OVCH1: variants seen among roughly 807,000 people sequenced by gnomAD.
The protein encoded by OVCH1 is ovochymase-1.
OVCH1 carries 139 observed loss-of-function variants against 138.4 expected under a neutral mutation model. The ratio of observed to expected loss-of-function variants is 1.00; its 90% confidence interval spans 0.87 to 1.16. OVCH1 has a LOEUF of 1.16. OVCH1 is among the 50% of genes most tolerant of loss of function. The pLI is 0.00. For synonymous variants in OVCH1, 453 were observed against 467.8 expected (o/e 0.97, Z 0.41); for missense variants, 1,367 against 1,357.9 (o/e 1.01, Z -0.11).
intron 25 of OVCH1, among the ~76,000 whole-genome samples, chr12:29,442,624 TAATAA>T (rs1266921476): frequency 1.3e-5 from 2 of 149,604 alleles, no homozygotes; most frequent in Admixed American, 6.6e-5. Flanking sequence ...AGTATAATAA[TAATAA>T]AATAAAAAAA....
chr12:29,477,432 G>A (rs780088968), exon 11 of OVCH1: 23 of 1,613,814 alleles, frequency 1.4e-5, no homozygotes, highest in Non-Finnish European at 1.7e-5. Flanking sequence ...TGGCCTCACT[G>A]GTCTCTGCCA....
chr12:29,476,332 T>C, intron 12 of OVCH1, 33 bp from the exon 13 acceptor site: 3 of 1,536,146 alleles, frequency 2.0e-6, no homozygotes, highest in Non-Finnish European at 2.7e-6. Flanking sequence ...AGGGAAATGG[T>C]CAAAGAAGAG....
chr12:29,402,533 G>T, the OVCH1 span, among the ~76,000 whole-genome samples: 2 of 152,008 alleles, frequency 1.3e-5, no homozygotes, highest in African/African-American at 4.8e-5. Flanking sequence ...GAAAAGGAAA[G>T]GGAAGGGGAA....
chr12:29,451,294 CT>C, intron 22 of OVCH1, 50 bp downstream of exon 22: 1 of 1,455,600 alleles, frequency 6.9e-7, no homozygotes, highest in Non-Finnish European at 9.5e-7. Context: ...CATAAGCTGC[CT>C]ACATGGACCA....
At chr12:29,476,123 C>G in intron 13 of OVCH1, 83 bp downstream of exon 13, 1 of 1,084,354 alleles carries the variant, frequency 9.2e-7, no homozygotes, top group Non-Finnish European at 1.4e-6. Context: ...ACTCTACGTT[C>G]TGGTACCCAA....
downstream of OVCH1, among the ~76,000 whole-genome samples, chr12:29,425,151 G>T (rs1941161572): frequency 6.6e-6 from 1 of 152,310 alleles, no homozygotes; most frequent in East Asian, 1.9e-4. Flanking sequence ...TGGCTAGGAA[G>T]TTCCACAGGT....
At chr12:29,415,295 AT>A (rs1565560646) in intron 3 of OVCH1, among the ~76,000 whole-genome samples, 1 of 152,202 alleles carries the variant, frequency 6.6e-6, no homozygotes, top group East Asian at 1.9e-4. Context: ...ACGACTGTGG[AT>A]ATTAGAAGAC....
intron 3 of OVCH1, among the ~76,000 whole-genome samples, chr12:29,413,804 T>TA (rs971090886): frequency 3.9e-5 from 6 of 152,254 alleles, no homozygotes; most frequent in African/African-American, 1.4e-4. Context: ...CTTTTATTTT[T>TA]ACTGTTCTTA....
chr12:29,444,225 C>G, exon 24 of OVCH1: 2 of 1,612,348 alleles, frequency 1.2e-6, no homozygotes, highest in Non-Finnish European at 1.7e-6. Flanking sequence ...CACAAGGGAC[C>G]AAGTGCTCTC....
intron 1 of OVCH1, 26 bp from the exon 2 acceptor site, chr12:29,496,700 C>T (rs375883811): frequency 2.0e-6 from 3 of 1,524,206 alleles, no homozygotes; most frequent in Non-Finnish European, 1.8e-6. Context: ...TGTGTGTGTG[C>T]ACACACAGAG....
chr12:29,458,694 A>T (rs1416915754), intron 19 of OVCH1, among the ~76,000 whole-genome samples: 1 of 152,180 alleles, frequency 6.6e-6, no homozygotes, highest in African/African-American at 2.4e-5. Context: ...AAACAAAGCC[A>T]AGAGACAACT....
intron 4 of OVCH1, among the ~76,000 whole-genome samples, chr12:29,494,994 A>T (rs958306412): frequency 1.2e-4 from 19 of 152,218 alleles, no homozygotes; most frequent in African/African-American, 4.3e-4. Flanking sequence ...ATATGAATGT[A>T]TCAAATTATC....
At chr12:29,439,066 G>A (rs563642802) in intron 26 of OVCH1, among the ~76,000 whole-genome samples, 2 of 152,290 alleles carry the variant, frequency 1.3e-5, no homozygotes. Context: ...TTCTTAATTA[G>A]AGACAAATCT....
At chr12:29,445,342 C>T in exon 23 of OVCH1, 3 of 1,611,470 alleles carry the variant, frequency 1.9e-6, no homozygotes, top group Admixed American at 1.7e-5. Flanking sequence ...GGAATGTCAC[C>T]CTCACCAGCG....
chr12:29,426,458 A>G (rs537935509), downstream of OVCH1, among the ~76,000 whole-genome samples: 1 of 152,314 alleles, frequency 6.6e-6, no homozygotes, highest in South Asian at 2.1e-4. Context: ...AAAGTCCCAA[A>G]TTGATATCTA....
intron 8 of OVCH1, among the ~76,000 whole-genome samples, chr12:29,480,986 C>A (rs1044203394): frequency 7.2e-5 from 11 of 152,040 alleles, no homozygotes; most frequent in Non-Finnish European, 1.6e-4. Context: ...TTCTGTAGAC[C>A]TGAATTGAAA....
chr12:29,493,648 T>A (rs1943333124), intron 4 of OVCH1, among the ~76,000 whole-genome samples: 1 of 152,168 alleles, frequency 6.6e-6, no homozygotes, highest in African/African-American at 2.4e-5. Context: ...AGTTTCTAAT[T>A]CCAATTACAT....
chr12:29,403,159 G>C, the OVCH1 span, among the ~76,000 whole-genome samples: 340 of 152,242 alleles, frequency 2.2e-3, 1 homozygote, highest in Non-Finnish European at 3.6e-3. Flanking sequence ...ACATCTTGAT[G>C]TATTATTGTA....
At chr12:29,491,014 C>T in intron 5 of OVCH1, 83 bp downstream of exon 5, 1 of 1,142,996 alleles carries the variant, frequency 8.7e-7, no homozygotes, top group Middle Eastern at 2.0e-4. Context: ...AAATGTACTA[C>T]TCATGGTCAA....
Sources: gnomAD v4.1 joint callset for allele counts (sites outside exome capture counted in the v4.1 genomes callset) on GRCh38, gnomAD v4.1.1 for gene constraint, MANE v1.5 for transcripts, NCBI Gene and HGNC (gene_info 2026-07-23, HGNC 2026-07-21) for gene names.